WDR7: variants seen among roughly 807,000 people sequenced by gnomAD.
WDR7 encodes WD repeat domain 7, also known as WD repeat-containing protein 7.
In WDR7, 46 loss-of-function variants were observed where a neutral mutation model predicts 169.4. The ratio of observed to expected loss-of-function variants is 0.27; its 90% CI spans 0.21 to 0.35. The LOEUF is 0.35. Ranked by LOEUF, WDR7 falls within the 10% of genes least tolerant of loss-of-function variation. WDR7 has a pLI of 1.00. For synonymous variants in WDR7, 612 were observed against 666.8 expected, an observed-to-expected ratio of 0.92 and a Z score of 1.27; for missense variants, 1,534 against 1,859.3, an observed-to-expected ratio of 0.83 and a Z score of 3.22.
chr18:56,679,214 G>T, intron 2 of WDR7, 118 bp from the exon 3 acceptor site: 1 of 739,006 alleles, frequency 1.4e-6, no homozygotes. Context: ...CCAGGGGCTA[G>T]AATAAAAAAT....
chr18:56,825,581 G>C (rs2045187828), intron 20 of WDR7, among the ~76,000 whole-genome samples: 1 of 152,146 alleles, frequency 6.6e-6, no homozygotes, highest in Non-Finnish European at 1.5e-5. Context: ...AGGATTTGAA[G>C]CTGGGCTATT....
chr18:56,756,533 G>T, intron 14 of WDR7, 50 bp from the exon 15 acceptor site: 1 of 1,396,260 alleles, frequency 7.2e-7, no homozygotes, highest in Non-Finnish European at 9.6e-7. Context: ...ATGAATGTAT[G>T]AAATTAAGCA....
At position 57,027,363 on chromosome 18, in the gene WDR7, A is replaced by G. The variant is rs2048381784; in HGVS notation, c.*156A>G. On this transcript the variant is annotated 3_prime_UTR_variant, in exon 28 of 28. Transcript: ENST00000254442. The stretch of plus-strand genomic sequence containing the variant: ...GTCTTGTCACTTGTGCATGCTTCTC[A>G]GGGGCAGAACCCGCTCGTGCCATCT... 5.5e-6 allele frequency: 5 copies of G among 907,122 alleles called. No homozygotes were observed. The East Asian group carries it at 1.1e-4, about 19-fold the overall frequency. The allele number at this position is 907,122 out of a possible 1,614,324, so 56.2% of individuals were successfully genotyped here.
intron 1 of WDR7, among the ~76,000 whole-genome samples, chr18:56,653,622 G>A (rs886609599): frequency 6.6e-6 from 1 of 152,146 alleles, no homozygotes; most frequent in Non-Finnish European, 1.5e-5. Context: ...AATGTATATT[G>A]TTCTGGGTGC....
In WDR7 at chr18:56,794,311, T is replaced by TTTTTTTTTTTC. The variant is rs1246359110; in HGVS notation, c.3190+12665_3190+12666insCTTTTTTTTTT. 3.1e-5 allele frequency among the ~76,000 whole-genome samples: 3 copies of TTTTTTTTTTTC among 97,862 alleles called. 1 individual carries two copies. Among genetic ancestry groups the TTTTTTTTTTTC allele is most frequent in the Non-Finnish European group, 6.4e-5 (3 of 46,560 alleles). 64.2% of individuals were successfully genotyped at this position (97,862 alleles called of 152,430 possible). A position where few individuals can be genotyped will look rare whatever the true frequency, so the allele number is the denominator to read the frequency against. On this transcript the variant is annotated intron_variant, in intron 19 of 27. Coordinates refer to ENST00000254442, the MANE Select transcript of WDR7 (RefSeq NM_015285.3). ...TCTTAAAAGGTAAAGTCTATTTTTT[T>TTTTTTTTTTTC]TTTTTTTTTTTTTTTTGAGACAGAG...
At position 57,027,121 on chromosome 18, in the gene WDR7, C is replaced by G. The variant is rs1484656069; in HGVS notation, c.4387C>G (p.Leu1463Val). Residue 1463 changes from leucine to valine, a missense_variant, in exon 28 of 28, where the codon CTC becomes GTC. Leu to Val is a conservative substitution (Grantham distance 32, BLOSUM62 1). Transcript: ENST00000254442. ...QPASPGSHNA[L>V]KLARLIWTSN... ...CGCGTCCCCCGGCTCCCACAATGCCCTCAAGCTGGCCCGGCTCATCTGGAC... is the reference window on the plus strand; with the variant it reads ...CGCGTCCCCCGGCTCCCACAATGCCGTCAAGCTGGCCCGGCTCATCTGGAC... 15 of 1,614,110 alleles carry G rather than the reference C, an allele frequency of 9.3e-6. No individual in the cohort carries two copies. Among genetic ancestry groups the G allele is most frequent in the African/African-American group, 2.7e-5 (2 of 74,950 alleles).
chr18:56,844,554 A>G (rs1212308468), intron 20 of WDR7, among the ~76,000 whole-genome samples: 1 of 152,222 alleles, frequency 6.6e-6, no homozygotes, highest in Non-Finnish European at 1.5e-5. Flanking sequence ...TTTGGGCTAT[A>G]CTTTTGAGCT....
At chr18:56,804,591 TAAA>T (rs1299686450) in intron 19 of WDR7, among the ~76,000 whole-genome samples, 4 of 152,130 alleles carry the variant, frequency 2.6e-5, no homozygotes, top group Non-Finnish European at 5.9e-5. Flanking sequence ...AACCTATTCA[TAAA>T]GAAGTAAGTC....
chr18:56,800,314 G>A (rs2044650914), intron 19 of WDR7, among the ~76,000 whole-genome samples: 1 of 152,102 alleles, frequency 6.6e-6, no homozygotes, highest in Non-Finnish European at 1.5e-5. Context: ...TGCTTCTATA[G>A]ATGCATTATG....
intron 20 of WDR7, among the ~76,000 whole-genome samples, chr18:56,817,424 A>G (rs942308473): frequency 6.6e-6 from 1 of 152,044 alleles, no homozygotes. Context: ...CGTGATAGGT[A>G]GGTTACTGTT....
chr18:56,909,678 T>A (rs1175524833), intron 21 of WDR7, among the ~76,000 whole-genome samples: 1 of 152,102 alleles, frequency 6.6e-6, no homozygotes, highest in African/African-American at 2.4e-5. Context: ...GGCAATAGAA[T>A]AACAGAAAAA....
intron 14 of WDR7, among the ~76,000 whole-genome samples, chr18:56,749,386 TTGTGTGTGTGTGTG>T (rs71863855): frequency 1.3e-5 from 2 of 148,610 alleles, no homozygotes; most frequent in African/African-American, 4.9e-5. Flanking sequence ...GTGTGTGTGT[TTGTGTGTGTGTGTG>T]TGTGTGTGTG....
chr18:56,735,936 T>C (rs1480983305), intron 14 of WDR7, among the ~76,000 whole-genome samples: 5 of 152,162 alleles, frequency 3.3e-5, no homozygotes, highest in Non-Finnish European at 7.4e-5. Context: ...GAAGATAGCA[T>C]TGTTAATATC....
In WDR7 at chr18:56,719,317, A is replaced by G. The variant is rs1281594610; in HGVS notation, c.1774+1158A>G. Among the ~76,000 whole-genome samples the G allele has an allele frequency of 2.6e-5, 4 of 152,196 alleles. No individual in the cohort carries two copies. The East Asian group carries it at 5.8e-4, about 22-fold the overall frequency. On this transcript the variant is annotated intron_variant, in intron 13 of 27. Transcript: ENST00000254442. ...GGTGGCTCACGCCTGTAATCCTAGC[A>G]CTTTGGGAGGCCGAGACGGGCGGAT...
chr18:56,658,656 C>G (rs1320428031), intron 1 of WDR7, among the ~76,000 whole-genome samples: 1 of 152,138 alleles, frequency 6.6e-6, no homozygotes, highest in East Asian at 1.9e-4. Context: ...TACAAATAAA[C>G]AGTATAAACT....
intron 5 of WDR7, 23 bp from the exon 6 acceptor site, chr18:56,685,933 T>C: frequency 6.3e-7 from 1 of 1,589,982 alleles, no homozygotes; most frequent in Non-Finnish European, 8.5e-7. Flanking sequence ...CCTGGGCTGC[T>C]TTTTTGTCCC....
intron 26 of WDR7, among the ~76,000 whole-genome samples, chr18:56,987,729 A>G (rs1251961450): frequency 2.0e-5 from 3 of 152,190 alleles, no homozygotes; most frequent in South Asian, 4.1e-4. Context: ...TAAAGAGTAT[A>G]TCACGTTATT....
At chr18:56,867,447 T>TG (rs2045898670) in intron 20 of WDR7, among the ~76,000 whole-genome samples, 1 of 152,212 alleles carries the variant, frequency 6.6e-6, no homozygotes, top group Non-Finnish European at 1.5e-5. Flanking sequence ...TTACATATGC[T>TG]GTTATCTCTG....
At position 56,809,489 on chromosome 18, in the gene WDR7, CAA is replaced by C. The variant is rs530198615; in HGVS notation, c.3191-6539_3191-6538del. 1.1e-3 allele frequency among the ~76,000 whole-genome samples: 174 copies of C among 152,020 alleles called. 1 individual carries two copies. The highest frequency in any genetic ancestry group is 4.1e-3 in the African/African-American group (168 of 41,474). On this transcript the variant is annotated intron_variant, in intron 19 of 27. Coordinates refer to ENST00000254442, the MANE Select transcript of WDR7 (RefSeq NM_015285.3). ...CAAATAAGCTCACTTATGTCAAGTA[CAA>C]AAGAATATACCAAAATATCACCATA... is the stretch of plus-strand genomic sequence containing the variant.
Sources: gnomAD v4.1 joint callset for allele counts (sites outside exome capture counted in the v4.1 genomes callset) on GRCh38, gnomAD v4.1.1 for gene constraint, MANE v1.5 for transcripts, NCBI Gene and HGNC (gene_info 2026-07-23, HGNC 2026-07-21) for gene names.